Variants in ROBO2 observed in about 807,000 individuals in gnomAD.
ROBO2 encodes roundabout guidance receptor 2.
ROBO2 carries 53 observed loss-of-function variants against 160.8 expected under a neutral mutation model. The observed-to-expected ratio is 0.33, with a 90% CI of 0.26 to 0.41. ROBO2 has a LOEUF of 0.41. ROBO2 is among the 10% of genes least tolerant of loss of function. The pLI, the probability that ROBO2 is intolerant of heterozygous loss-of-function variation, is 1.00. For missense variants in ROBO2, 1,577 were observed against 1,722.4 expected (o/e 0.92, Z 1.49); for synonymous variants, 664 against 611.7 (o/e 1.09, Z -1.26).
intron 2 of ROBO2, among the ~76,000 whole-genome samples, chr3:76,205,565 A>G (rs62267394): frequency 0.34 from 52,223 of 152,030 alleles, 9,859 homozygotes; most frequent in Non-Finnish European, 0.42. Flanking sequence ...ATTATCTACT[A>G]AGAGTCCATG....
intron 1 of ROBO2, among the ~76,000 whole-genome samples, chr3:77,093,633 C>T (rs1481381845): frequency 1.3e-5 from 2 of 152,126 alleles, no homozygotes; most frequent in Non-Finnish European, 2.9e-5. Context: ...GTAAAGACCA[C>T]TGCTATTGTT....
chr3:76,833,261 A>C (rs1201852983), intron 2 of ROBO2, among the ~76,000 whole-genome samples: 1 of 152,186 alleles, frequency 6.6e-6, no homozygotes, highest in Non-Finnish European at 1.5e-5. Context: ...GACTGTCAAC[A>C]TTGTTTTACT....
intron 2 of ROBO2, among the ~76,000 whole-genome samples, chr3:76,676,948 TC>T (rs1221214255): frequency 6.6e-6 from 1 of 152,102 alleles, no homozygotes; most frequent in East Asian, 1.9e-4. Context: ...CCTCCAGGCT[TC>T]CACACAATAC....
intron 2 of ROBO2, among the ~76,000 whole-genome samples, chr3:77,321,665 T>A (rs1158354492): frequency 6.6e-6 from 1 of 152,176 alleles, no homozygotes; most frequent in African/African-American, 2.4e-5. Flanking sequence ...TAACTTGAAC[T>A]TATTCGTTCA....
At chr3:76,626,631 C>T (rs761079447) in intron 2 of ROBO2, among the ~76,000 whole-genome samples, 6 of 152,090 alleles carry the variant, frequency 3.9e-5, no homozygotes, top group Non-Finnish European at 8.8e-5. Context: ...CATCTCTATC[C>T]ATTATCAGCT....
At chr3:76,522,386 T>A (rs2081673633) in intron 2 of ROBO2, among the ~76,000 whole-genome samples, 1 of 152,136 alleles carries the variant, frequency 6.6e-6, no homozygotes, top group Non-Finnish European at 1.5e-5. Context: ...TGTCTGTCTG[T>A]CACTCCATCT....
chr3:77,293,162 G>T (rs2061529322), intron 2 of ROBO2, among the ~76,000 whole-genome samples: 1 of 147,704 alleles, frequency 6.8e-6, no homozygotes, highest in Admixed American at 6.8e-5. Context: ...TAAATGGGAA[G>T]TTGAGGCTAG....
At chr3:76,825,991 A>G (rs2066554999) in intron 2 of ROBO2, among the ~76,000 whole-genome samples, 2 of 151,484 alleles carry the variant, frequency 1.3e-5, no homozygotes, top group Admixed American at 6.6e-5. Context: ...TCTGTTGACG[A>G]GATTTTTTTT....
chr3:75,930,780 A>G (rs1264323796), intron 1 of ROBO2, among the ~76,000 whole-genome samples: 2 of 152,154 alleles, frequency 1.3e-5, no homozygotes, highest in Non-Finnish European at 2.9e-5. Context: ...TTCAACATTC[A>G]TTTAAAAAAT....
chr3:76,027,317 A>G (rs1264203152), intron 2 of ROBO2, among the ~76,000 whole-genome samples: 1 of 151,858 alleles, frequency 6.6e-6, no homozygotes, highest in South Asian at 2.1e-4. Flanking sequence ...ACCTGCCCCC[A>G]TTTTACATAG....
At chr3:76,807,652 T>A (rs2064835977) in intron 2 of ROBO2, among the ~76,000 whole-genome samples, 1 of 152,060 alleles carries the variant, frequency 6.6e-6, no homozygotes, top group South Asian at 2.1e-4. Flanking sequence ...AACATTCCCA[T>A]GAAAAGTGTT....
At chr3:76,026,501 T>C (rs1220453638) in intron 2 of ROBO2, among the ~76,000 whole-genome samples, 2 of 152,024 alleles carry the variant, frequency 1.3e-5, no homozygotes, top group East Asian at 3.9e-4. Flanking sequence ...TAAGAGCAGC[T>C]GTAAGGAAAA....
intron 2 of ROBO2, among the ~76,000 whole-genome samples, chr3:76,174,061 G>T (rs928936608): frequency 1.3e-5 from 2 of 152,122 alleles, no homozygotes; most frequent in African/African-American, 2.4e-5. Flanking sequence ...CATTCTAACT[G>T]GCATGACGTG....
chr3:76,338,060 G>A (rs1407720812), intron 2 of ROBO2, among the ~76,000 whole-genome samples: 1 of 152,254 alleles, frequency 6.6e-6, no homozygotes, highest in East Asian at 1.9e-4. Context: ...GGTACCTCAA[G>A]AGAAATATTT....
intron 2 of ROBO2, among the ~76,000 whole-genome samples, chr3:75,998,228 C>T (rs756789254): frequency 5.3e-5 from 8 of 152,136 alleles, no homozygotes; most frequent in Non-Finnish European, 1.0e-4. Flanking sequence ...CTATTTCATG[C>T]TATTTATGTT....
At chr3:77,122,206 A>G (rs2074845382) in intron 2 of ROBO2, among the ~76,000 whole-genome samples, 1 of 152,146 alleles carries the variant, frequency 6.6e-6, no homozygotes, top group Admixed American at 6.6e-5. Flanking sequence ...GAAGTAGATA[A>G]CTATTTTTAA....
At chr3:77,201,979 C>T (rs2082954555) in intron 2 of ROBO2, among the ~76,000 whole-genome samples, 1 of 152,086 alleles carries the variant, frequency 6.6e-6, no homozygotes, top group Non-Finnish European at 1.5e-5. Flanking sequence ...TTAGATTACT[C>T]ACAAATTCCT....
chr3:76,351,931 C>T (rs11929531), intron 2 of ROBO2, among the ~76,000 whole-genome samples: 9,124 of 151,902 alleles, frequency 0.06, 774 homozygotes, highest in African/African-American at 0.19. Context: ...GGGACATAGC[C>T]GCTGTTCAAT....
At chr3:76,328,908 T>TTATATATATATATATATATA (rs201466987) in intron 2 of ROBO2, among the ~76,000 whole-genome samples, 10 of 136,016 alleles carry the variant, frequency 7.4e-5, no homozygotes, top group African/African-American at 2.3e-4. Flanking sequence ...ATTTATGTTA[T>TTATATATATATATATATATA]TATATATATA....
Sources: allele counts gnomAD v4.1 joint callset (sites outside exome capture counted in the v4.1 genomes callset), GRCh38; gene constraint gnomAD v4.1.1; transcripts MANE v1.5; gene names NCBI Gene and HGNC (gene_info 2026-07-23, HGNC 2026-07-21).